The following DOK5 variants were observed in gnomAD, a reference collection of about 807,000 sequenced individuals.
DOK5 encodes docking protein 5.
In DOK5, 27 loss-of-function variants were observed where a neutral mutation model predicts 43.3. That is an observed-to-expected ratio of 0.62 (90% CI 0.46 to 0.86). The LOEUF (loss-of-function observed/expected upper bound fraction) is 0.86. Ranked by LOEUF, DOK5 falls within the 40% of genes least tolerant of loss-of-function variation. DOK5 has a pLI of 0.00. For synonymous variants in DOK5, 146 were observed against 140.1 expected (o/e 1.04, Z -0.30); for missense variants, 373 against 392.9 (o/e 0.95, Z 0.43).
At chr20:54,631,481 A>G (rs1210200379) in intron 6 of DOK5, among the ~76,000 whole-genome samples, 2 of 151,672 alleles carry the variant, frequency 1.3e-5, no homozygotes, top group East Asian at 3.9e-4. Flanking sequence ...GGAGAGAGGG[A>G]GGGAGGCAGG....
chr20:54,536,355 T>G (rs146266337), intron 1 of DOK5, among the ~76,000 whole-genome samples: 1 of 152,176 alleles, frequency 6.6e-6, no homozygotes, highest in African/African-American at 2.4e-5. Flanking sequence ...GGTTTAACCA[T>G]GTGAGATAAA....
At chr20:54,571,779 G>A (rs568285840) in intron 2 of DOK5, among the ~76,000 whole-genome samples, 111 of 152,186 alleles carry the variant, frequency 7.3e-4, no homozygotes, top group Admixed American at 1.4e-3. Flanking sequence ...AAACTCCTGA[G>A]TGCAGCGTAC....
At position 54,626,553 on chromosome 20, in the gene DOK5, A is replaced by G. The variant is rs138223666; in HGVS notation, c.735+16030A>G. Reference sequence around the variant, plus strand: ...TTTTTTCTTTTTATAATTTGTTTACATGCATTTTCCCCCTCCTGTCTCTTT... The same window carrying G: ...TTTTTTCTTTTTATAATTTGTTTACGTGCATTTTCCCCCTCCTGTCTCTTT... On this transcript the variant is annotated intron_variant, in intron 6 of 7. Coordinates refer to ENST00000262593, the MANE Select transcript of DOK5 (RefSeq NM_018431.5). Among the ~76,000 whole-genome samples the G allele has an allele frequency of 1.4e-4, 22 of 152,306 alleles. No homozygotes were observed. The East Asian group carries it at 4.2e-3, about 29-fold the overall frequency.
chr20:54,621,158 AGG>A (rs957970132), intron 6 of DOK5, among the ~76,000 whole-genome samples: 12 of 152,344 alleles, frequency 7.9e-5, no homozygotes, highest in African/African-American at 2.9e-4. Context: ...AACTTATGGC[AGG>A]GTACAAATGG....
chr20:54,626,713 G>A (rs909222882), intron 6 of DOK5, among the ~76,000 whole-genome samples: 6 of 152,024 alleles, frequency 3.9e-5, no homozygotes, highest in Non-Finnish European at 8.8e-5. Context: ...CAAAAGATGG[G>A]TGTCGTGATG....
intron 2 of DOK5, among the ~76,000 whole-genome samples, chr20:54,578,557 A>G (rs565859607): frequency 3.3e-5 from 5 of 152,326 alleles, no homozygotes; most frequent in South Asian, 2.1e-4. Flanking sequence ...TTGTTTTGGC[A>G]GAAAGATCGT....
chr20:54,629,158 T>C lies in DOK5; in HGVS notation c.736-14300T>C, dbSNP rs377728461. ...AAAACAAAAGGGTTGGGGATAGTGCTGGGGGCAGGACTTATAAAACCACAG... is the reference window on the plus strand; with the variant it reads ...AAAACAAAAGGGTTGGGGATAGTGCCGGGGGCAGGACTTATAAAACCACAG... On this transcript the variant is annotated intron_variant, in intron 6 of 7. Transcript: ENST00000262593. Among the ~76,000 whole-genome samples, 25 of 152,174 alleles carry C rather than the reference T, an allele frequency of 1.6e-4. No individual in the cohort carries two copies. In the East Asian group the frequency reaches 4.2e-3, roughly 26 times the overall value.
intron 6 of DOK5, among the ~76,000 whole-genome samples, chr20:54,638,204 A>G (rs1389455323): frequency 6.6e-6 from 1 of 152,186 alleles, no homozygotes; most frequent in East Asian, 1.9e-4. Flanking sequence ...TGACTATCAC[A>G]AAACAGTGAA....
chr20:54,646,593 T>C (rs1214965678), intron 7 of DOK5, among the ~76,000 whole-genome samples: 1 of 152,186 alleles, frequency 6.6e-6, no homozygotes, highest in Non-Finnish European at 1.5e-5. Context: ...ATAATAAGTA[T>C]TGAAGATTTA....
chr20:54,619,606 C>T (rs1986921026), intron 6 of DOK5, among the ~76,000 whole-genome samples: 1 of 152,188 alleles, frequency 6.6e-6, no homozygotes. Context: ...GTGACTTCTG[C>T]CCTGTACTCT....
intron 2 of DOK5, among the ~76,000 whole-genome samples, chr20:54,566,273 G>A (rs565393878): frequency 3.9e-5 from 6 of 152,074 alleles, no homozygotes; most frequent in Admixed American, 2.0e-4. Context: ...CTGCTAAGTA[G>A]TAATCCATAG....
At chr20:54,641,850 G>C (rs1352575042) in intron 6 of DOK5, among the ~76,000 whole-genome samples, 2 of 152,118 alleles carry the variant, frequency 1.3e-5, no homozygotes, top group Non-Finnish European at 2.9e-5. Flanking sequence ...GGCCTTGAAT[G>C]GGAGGATACT....
intron 5 of DOK5, among the ~76,000 whole-genome samples, chr20:54,598,885 T>G (rs371949004): frequency 2.6e-5 from 4 of 152,348 alleles, no homozygotes; most frequent in African/African-American, 9.6e-5. Flanking sequence ...TTTGTTTTTT[T>G]GTATATTTCA....
intron 1 of DOK5, among the ~76,000 whole-genome samples, chr20:54,506,094 T>C (rs1410468089): frequency 6.6e-6 from 1 of 152,086 alleles, no homozygotes; most frequent in Non-Finnish European, 1.5e-5. Context: ...GTAGAGGTGG[T>C]GAGAAGCAGC....
At chr20:54,489,437 T>C (rs1982075927) in intron 1 of DOK5, among the ~76,000 whole-genome samples, 1 of 152,186 alleles carries the variant, frequency 6.6e-6, no homozygotes, top group Admixed American at 6.6e-5. Flanking sequence ...TGTCTGTATG[T>C]GCGTTTGCAT....
In DOK5 at chr20:54,513,484, A is replaced by C. The variant is rs900873721; in HGVS notation, c.66+37472A>C. Among the ~76,000 whole-genome samples, 107 of 151,182 alleles carry C rather than the reference A, an allele frequency of 7.1e-4. 1 individual carries two copies. The East Asian group carries it at 7.6e-3, about 11-fold the overall frequency. ...GAGCAAAAAAAAAAAAAAAAAAAAA[A>C]AAAACCCAACATCCATTTGTAGGCC... On this transcript the variant is annotated intron_variant, in intron 1 of 7. Transcript: ENST00000262593.
intron 2 of DOK5, among the ~76,000 whole-genome samples, chr20:54,579,358 T>TTGTGTGTGTGTGTG (rs151204252): frequency 0.09 from 13,590 of 150,770 alleles, 1,778 homozygotes; most frequent in African/African-American, 0.3. Flanking sequence ...GTGTGTGTGC[T>TTGTGTGTGTGTGTG]TGTGTGTGTG....
rs527940966 is a variant in DOK5, at chr20:54,518,694, C to T, written c.67-36239C>T. Among the ~76,000 whole-genome samples, 10 of 152,238 alleles carry T rather than the reference C, an allele frequency of 6.6e-5. No individual in the cohort carries two copies. In the South Asian group the frequency reaches 1.9e-3, roughly 28 times the overall value. ...TTCTAGTTCTAGATCCCTGAGGAAT[C>T]GCCACACTGACTTCCACAATGGTTG... On this transcript the variant is annotated intron_variant, in intron 1 of 7. Transcript: ENST00000262593.
intron 1 of DOK5, among the ~76,000 whole-genome samples, chr20:54,529,294 T>C (rs1333300007): frequency 6.6e-6 from 1 of 152,202 alleles, no homozygotes; most frequent in Non-Finnish European, 1.5e-5. Context: ...TGCTCTTCAA[T>C]TGCAGTTTTA....
Sources: gnomAD v4.1 joint callset for allele counts (sites outside exome capture counted in the v4.1 genomes callset) on GRCh38, gnomAD v4.1.1 for gene constraint, MANE v1.5 for transcripts, NCBI Gene and HGNC (gene_info 2026-07-23, HGNC 2026-07-21) for gene names.